RBFOX1: variants seen among roughly 807,000 people sequenced by gnomAD.
RBFOX1 encodes RNA binding fox-1 homolog 1, also known as RNA binding protein fox-1 homolog 1.
Under a neutral mutation model 57.7 loss-of-function variants are expected in RBFOX1, and 8 were observed. That is an observed-to-expected ratio of 0.14 (90% CI 0.08 to 0.25). The LOEUF (loss-of-function observed/expected upper bound fraction) is 0.25, where lower values mean the gene tolerates loss of function less well. Ranked by LOEUF, RBFOX1 falls within the 10% of genes least tolerant of loss-of-function variation. The pLI is 1.00. For synonymous variants in RBFOX1, 326 were observed against 222.4 expected (o/e 1.47, Z -4.15); for missense variants, 611 against 548.5 (o/e 1.11, Z -1.14).
chr16:7,671,869 A>G (rs1482793430), intron 13 of RBFOX1, among the ~76,000 whole-genome samples: 7 of 152,224 alleles, frequency 4.6e-5, no homozygotes, highest in Non-Finnish European at 2.9e-5. Context: ...GGCCTCAGCC[A>G]TGAGCTTTGT....
At chr16:6,910,446 A>G (rs1316953058) in intron 3 of RBFOX1, among the ~76,000 whole-genome samples, 2 of 152,304 alleles carry the variant, frequency 1.3e-5, no homozygotes, top group Non-Finnish European at 2.9e-5. Flanking sequence ...CTGGAGTAAA[A>G]TCAAGGACTT....
At chr16:6,154,923 G>A (rs1251344357) in intron 1 of RBFOX1, among the ~76,000 whole-genome samples, 1 of 152,120 alleles carries the variant, frequency 6.6e-6, no homozygotes, top group Non-Finnish European at 1.5e-5. Flanking sequence ...AATTCAATTA[G>A]CAAGCAACTA....
intron 3 of RBFOX1, among the ~76,000 whole-genome samples, chr16:5,793,193 A>T (rs545383464): frequency 1.3e-5 from 2 of 152,244 alleles, no homozygotes; most frequent in South Asian, 4.1e-4. Context: ...AGCCTCTGAG[A>T]AGTGCTTAGA....
chr16:6,883,351 A>G (rs1283880930), intron 3 of RBFOX1, among the ~76,000 whole-genome samples: 1 of 152,176 alleles, frequency 6.6e-6, no homozygotes, highest in Non-Finnish European at 1.5e-5. Flanking sequence ...ATCTGTTTGT[A>G]AAAGAGTATA....
chr16:7,332,914 A>G (rs1339183701), intron 4 of RBFOX1: 15 of 1,594,270 alleles, frequency 9.4e-6, no homozygotes, highest in Non-Finnish European at 1.3e-5. Flanking sequence ...CCAGCTTTGT[A>G]GTTCGGAAGA....
At chr16:6,830,290 G>T (rs908580929) in intron 3 of RBFOX1, among the ~76,000 whole-genome samples, 2 of 152,102 alleles carry the variant, frequency 1.3e-5, no homozygotes, top group African/African-American at 2.4e-5. Context: ...TACACAACAG[G>T]GAAAGTCTAA....
intron 3 of RBFOX1, among the ~76,000 whole-genome samples, chr16:5,612,212 C>CTCATTCAT (rs57482052): frequency 6.6e-4 from 95 of 144,020 alleles, no homozygotes; most frequent in Middle Eastern, 3.4e-3. Context: ...CCCCTCCACT[C>CTCATTCAT]TCATTCATTC....
At chr16:6,871,125 A>T (rs577109105) in intron 3 of RBFOX1, among the ~76,000 whole-genome samples, 1 of 152,316 alleles carries the variant, frequency 6.6e-6, no homozygotes, top group Admixed American at 6.5e-5. Context: ...GAATTTGATG[A>T]AGGTTCCTTT....
intron 3 of RBFOX1, among the ~76,000 whole-genome samples, chr16:6,863,134 A>G (rs1227772296): frequency 6.6e-6 from 1 of 152,134 alleles, no homozygotes; most frequent in African/African-American, 2.4e-5. Context: ...ATGAAGAGAA[A>G]TTAATAAGCA....
At chr16:6,741,066 G>A (rs1414848636) in intron 3 of RBFOX1, among the ~76,000 whole-genome samples, 1 of 152,090 alleles carries the variant, frequency 6.6e-6, no homozygotes, top group Non-Finnish European at 1.5e-5. Context: ...AATAGCCCCA[G>A]ACAACATTGA....
At chr16:6,890,067 C>T (rs1012439583) in intron 3 of RBFOX1, among the ~76,000 whole-genome samples, 1 of 152,120 alleles carries the variant, frequency 6.6e-6, no homozygotes, top group Non-Finnish European at 1.5e-5. Flanking sequence ...TATAGATTTT[C>T]TTTTAAAGTA....
intron 4 of RBFOX1, among the ~76,000 whole-genome samples, chr16:7,339,438 T>G (rs2096851893): frequency 6.6e-6 from 1 of 152,092 alleles, no homozygotes; most frequent in African/African-American, 2.4e-5. Context: ...AGGAAAGATA[T>G]TTATGTATTA....
intron 4 of RBFOX1, among the ~76,000 whole-genome samples, chr16:5,983,240 C>A (rs1356551869): frequency 6.6e-6 from 1 of 152,192 alleles, no homozygotes; most frequent in Non-Finnish European, 1.5e-5. Flanking sequence ...AGTGGCAGAT[C>A]CATTGTGTGC....
At chr16:6,032,440 A>G (rs1261545273) in intron 1 of RBFOX1, among the ~76,000 whole-genome samples, 1 of 152,202 alleles carries the variant, frequency 6.6e-6, no homozygotes, top group Admixed American at 6.5e-5. Flanking sequence ...AAAGAAAGAA[A>G]GAAAGGGATC....
At chr16:6,692,114 T>G (rs925506840) in intron 3 of RBFOX1, among the ~76,000 whole-genome samples, 1 of 152,236 alleles carries the variant, frequency 6.6e-6, no homozygotes, top group Admixed American at 6.5e-5. Flanking sequence ...TTATTTTAAG[T>G]AAGTTTAATT....
In RBFOX1 at chr16:7,496,486, G is replaced by C. The variant is rs537476142; in HGVS notation, c.28-21661G>C. Reference sequence around the variant, plus strand: ...AATGGGGATAGTGATATCTAACTCAGAGCCCTTATGGGGATGTAATGAGGT... The same window carrying C: ...AATGGGGATAGTGATATCTAACTCACAGCCCTTATGGGGATGTAATGAGGT... On this transcript the variant is annotated intron_variant, in intron 4 of 15. Coordinates refer to ENST00000550418, the MANE Select transcript of RBFOX1 (RefSeq NM_018723.4). 1.2e-4 allele frequency among the ~76,000 whole-genome samples: 19 copies of C among 152,218 alleles called. No homozygotes were observed. In the Middle Eastern group the frequency reaches 0.014, roughly 109 times the overall value.
At chr16:7,334,290 G>A (rs1027812731) in intron 4 of RBFOX1, among the ~76,000 whole-genome samples, 2 of 152,178 alleles carry the variant, frequency 1.3e-5, no homozygotes, top group African/African-American at 2.4e-5. Context: ...AAACAAATGG[G>A]TCATCTGGAG....
intron 4 of RBFOX1, among the ~76,000 whole-genome samples, chr16:7,432,591 C>T (rs1264740494): frequency 6.6e-6 from 1 of 152,226 alleles, no homozygotes; most frequent in Non-Finnish European, 1.5e-5. Context: ...TCTGTCACAA[C>T]TACTCAGCTC....
At chr16:6,341,031 G>C (rs533694568) in intron 2 of RBFOX1, among the ~76,000 whole-genome samples, 1 of 152,268 alleles carries the variant, frequency 6.6e-6, no homozygotes, top group South Asian at 2.1e-4. Flanking sequence ...TGTCTCTAGG[G>C]TCTTGTAGGG....
Sources: allele counts gnomAD v4.1 joint callset (sites outside exome capture counted in the v4.1 genomes callset), GRCh38; gene constraint gnomAD v4.1.1; transcripts MANE v1.5; gene names NCBI Gene and HGNC (gene_info 2026-07-23, HGNC 2026-07-21).